STAT5A: variants seen among roughly 807,000 people sequenced by gnomAD.
The protein encoded by STAT5A is epididymis secretory sperm binding protein.
STAT5A carries 26 observed loss-of-function variants against 100.2 expected under a neutral mutation model. That is an observed-to-expected ratio of 0.26 (90% CI 0.19 to 0.36). The LOEUF (loss-of-function observed/expected upper bound fraction) is 0.36, where lower values mean the gene tolerates loss of function less well. STAT5A is among the 10% of genes least tolerant of loss of function. The pLI is 1.00. For synonymous variants in STAT5A, 330 were observed against 424.3 expected, an observed-to-expected ratio of 0.78 and a Z score of 2.73; for missense variants, 634 against 1,027.5, an observed-to-expected ratio of 0.62 and a Z score of 5.24.
chr17:42,292,237 G>C (rs1423560007), intron 4 of STAT5A, among the ~76,000 whole-genome samples, 176 bp downstream of exon 4: 1 of 152,206 alleles, frequency 6.6e-6, no homozygotes, highest in Non-Finnish European at 1.5e-5. Flanking sequence ...TGACCCCCTG[G>C]ATCCAGTCCC....
rs145676723 is a variant in STAT5A at position 42,302,040 on chromosome 17, C to T, written c.1169+586C>T. 4.2e-4 allele frequency among the ~76,000 whole-genome samples: 64 copies of T among 152,274 alleles called. No homozygotes were observed. The East Asian group carries it at 0.012, about 28-fold the overall frequency. ...TTAGCTGGGCATGGTGGTGCACGCACTTGTAGTCCCAGCTACTCGGGAAGC... is the reference window on the plus strand; with the variant it reads ...TTAGCTGGGCATGGTGGTGCACGCATTTGTAGTCCCAGCTACTCGGGAAGC... On this transcript the variant is annotated intron_variant, in intron 9 of 18. Coordinates refer to ENST00000590949, the MANE Select transcript of STAT5A (RefSeq NM_001288718.2).
chr17:42,301,181 A>G, intron 8 of STAT5A, 94 bp from the exon 9 acceptor site: 1 of 1,548,386 alleles, frequency 6.5e-7, no homozygotes, highest in Non-Finnish European at 8.8e-7. Context: ...CCTGAGCCCC[A>G]TGGGAGGCAG....
intron 3 of STAT5A, 156 bp downstream of exon 3, chr17:42,290,178 A>C: frequency 1.8e-6 from 2 of 1,119,958 alleles, no homozygotes; most frequent in South Asian, 1.9e-5. Flanking sequence ...CTCTTTCTAA[A>C]TTCGACCTGT....
rs892726520 is a variant in STAT5A at position 42,304,316 on chromosome 17, A to C, written c.1170-26A>C. 6.2e-7 allele frequency: 1 copy of C among 1,612,172 alleles called. No homozygotes were observed. Among genetic ancestry groups the C allele is most frequent in the Non-Finnish European group, 8.5e-7 (1 of 1,178,690 alleles). ...TGCTCCTGGCCTGGGGCCCATGTGGAGCTGGGACCCCCCTCTCCTTTGCAG... is the reference window on the plus strand; with the variant it reads ...TGCTCCTGGCCTGGGGCCCATGTGGCGCTGGGACCCCCCTCTCCTTTGCAG... On this transcript the variant is annotated intron_variant, in intron 9 of 18. Transcript: ENST00000590949. This position sits in a 1 kb window ranked among gnomAD's most constrained non-coding sequence, Gnocchi z 4.8.
rs1702672551 is a variant in STAT5A, at chr17:42,301,021, C to T, written c.989+151C>T. ...CAGTTGCTGTGGCTGCTAGGTGCCG[C>T]CCTTGCCCAGTTTCTCCTGTGGACA... On this transcript the variant is annotated intron_variant, in intron 8 of 18. Coordinates refer to ENST00000590949, the MANE Select transcript of STAT5A (RefSeq NM_001288718.2). 61 of 1,516,740 alleles carry T rather than the reference C, an allele frequency of 4.0e-5. No individual in the cohort carries two copies. The South Asian group carries it at 7.3e-4, about 18-fold the overall frequency. 94.0% of individuals were successfully genotyped at this position (1,516,740 alleles called of 1,614,324 possible).
At chr17:42,289,099 C>G (rs1033604074) in intron 1 of STAT5A, 3 of 280,394 alleles carry the variant, frequency 1.1e-5, no homozygotes, top group Non-Finnish European at 2.0e-5. Flanking sequence ...TCAAGTTTCT[C>G]TTTCAGTTTC....
intron 4 of STAT5A, among the ~76,000 whole-genome samples, chr17:42,293,647 T>G (rs2080892354): frequency 1.3e-5 from 2 of 152,162 alleles, no homozygotes; most frequent in Admixed American, 6.5e-5. Context: ...ATTCTGGCAG[T>G]GATGGATTCT....
Position 42,308,472 on chromosome 17 carries a change from G to A in STAT5A, c.2062+139G>A, listed in dbSNP as rs1031426137. The A allele has an allele frequency of 1.1e-5, 13 of 1,209,432 alleles. No individual in the cohort carries two copies. The highest frequency in any genetic ancestry group is 2.5e-4 in the Middle Eastern group (1 of 4,024). 74.9% of individuals were successfully genotyped at this position (1,209,432 alleles called of 1,614,324 possible). A position where few individuals can be genotyped will look rare whatever the true frequency, so the allele number is the denominator to read the frequency against. The stretch of plus-strand genomic sequence containing the variant: ...GTCCCCTGTGGGTTTTGGCCCATGG[G>A]GTGGTGGAGAGGATTTCAGGGCTCA... On this transcript the variant is annotated intron_variant, in intron 16 of 18. Transcript: ENST00000590949. The surrounding 1 kb of genome is among the most constrained non-coding windows in gnomAD (Gnocchi z 4.6).
At chr17:42,293,552 A>T (rs780191169) in intron 4 of STAT5A, among the ~76,000 whole-genome samples, 12 of 152,226 alleles carry the variant, frequency 7.9e-5, no homozygotes, top group Admixed American at 1.3e-4. Context: ...TTTACTCAGT[A>T]GACATTTATT....
intron 4 of STAT5A, among the ~76,000 whole-genome samples, chr17:42,293,433 G>A (rs986330419): frequency 2.6e-5 from 4 of 152,110 alleles, no homozygotes; most frequent in Non-Finnish European, 4.4e-5. Flanking sequence ...TCGAATTCCT[G>A]ACTTCAAGTG....
At position 42,306,971 on chromosome 17, in the gene STAT5A, C is replaced by T. The variant is rs577416826; in HGVS notation, c.1681-431C>T. Among the ~76,000 whole-genome samples the T allele has an allele frequency of 1.3e-4, 20 of 152,124 alleles. No individual in the cohort carries two copies. The South Asian group carries it at 3.5e-3, about 27-fold the overall frequency. On this transcript the variant is annotated intron_variant, in intron 13 of 18. Coordinates refer to ENST00000590949, the MANE Select transcript of STAT5A (RefSeq NM_001288718.2). Reference sequence around the variant, plus strand: ...CTGACCTCAGGTGATCCGCCCACCTCGGCCTCCCAAAGTGCTGGGATTACA... The same window carrying T: ...CTGACCTCAGGTGATCCGCCCACCTTGGCCTCCCAAAGTGCTGGGATTACA...
At chr17:42,307,535 G>C (rs376919887) in intron 14 of STAT5A, 39 bp downstream of exon 14, 35 of 1,613,980 alleles carry the variant, frequency 2.2e-5, no homozygotes, top group Non-Finnish European at 2.9e-5. Context: ...GCCAGCTGTG[G>C]GCGCAGAGAG....
At position 42,292,048 on chromosome 17, in the gene STAT5A, G is replaced by T; in HGVS notation, c.362G>T (p.Arg121Leu). 6.2e-7 allele frequency: 1 copy of T among 1,613,928 alleles called. No homozygotes were observed. Among genetic ancestry groups the T allele is most frequent in the Non-Finnish European group, 8.5e-7 (1 of 1,179,882 alleles). The change falls in exon 4 of 19, where the codon CGA becomes CTA. Residue 121 changes from arginine (R) to leucine (L), a missense_variant. Around this residue, in one of 5 missense-constraint regions of STAT5A, gnomAD observed 207 missense variants for 256.6 expected, o/e 0.81. Coordinates refer to ENST00000590949, the MANE Select transcript of STAT5A (RefSeq NM_001288718.2). ...HILYNEQRLV[R>L]EANNCSSPAG... Reference sequence around the variant, plus strand: ...CTGTACAATGAACAGAGGCTGGTCCGAGAAGCCAACAATGTGAGTGTCCCT... The same window carrying T: ...CTGTACAATGAACAGAGGCTGGTCCTAGAAGCCAACAATGTGAGTGTCCCT...
rs2080854938 is a variant in STAT5A, at chr17:42,289,999, G to C, written c.262G>C (p.Gly88Arg). 1 of 1,612,952 alleles carries C rather than the reference G, an allele frequency of 6.2e-7. No homozygotes were observed. The highest frequency in any genetic ancestry group is 8.5e-7 in the Non-Finnish European group (1 of 1,179,620). Residue 88 changes from glycine to arginine, a missense_variant, in exon 3 of 19, where the codon GGG becomes CGG. By Grantham distance (125) the Gly-to-Arg change is moderately radical. Transcript: ENST00000590949. ...TGGGTTTTTACTGAAGATCAAGCTG[G>C]GGCACTACGCCACGCAGCTCCAGGT... ...EDGFLLKIKL[G>R]HYATQLQKTY...
Position 42,306,318 on chromosome 17 carries a change from C to T in STAT5A, c.1551C>T (p.Ala517=), listed in dbSNP as rs369479819. The T allele has an allele frequency of 1.1e-5, 18 of 1,613,942 alleles. No individual in the cohort carries two copies. Among genetic ancestry groups the T allele is most frequent in the Admixed American group, 6.7e-5 (4 of 60,000 alleles). The change falls in exon 13 of 19, where the codon GCC becomes GCT. Residue 517 remains alanine, a synonymous_variant. Transcript: ENST00000590949. The part of the protein sequence containing the change: ...LCEALNMKFK[A]EVQSNRGLTK... The stretch of plus-strand genomic sequence containing the variant: ...AGGCGCTCAACATGAAATTCAAGGC[C>T]GAAGTGCAGAGCAACCGGGGCCTGA...
upstream of STAT5A, chr17:42,287,726 C>G (rs997642925): frequency 2.5e-4 from 38 of 152,296 alleles, no homozygotes; most frequent in African/African-American, 8.0e-4. Context: ...CACGTGCCTA[C>G]TGTGTGGCCC....
intron 4 of STAT5A, 98 bp downstream of exon 4, chr17:42,292,159 G>C: frequency 7.0e-7 from 1 of 1,430,556 alleles, no homozygotes; most frequent in Non-Finnish European, 9.7e-7. Context: ...GCAGCACGAG[G>C]AGAGCACCAA....
chr17:42,305,765 C>T (rs2081022600), intron 12 of STAT5A, 63 bp downstream of exon 12: 2 of 1,554,950 alleles, frequency 1.3e-6, no homozygotes, highest in South Asian at 1.1e-5. Flanking sequence ...TGGGGTCAGC[C>T]CCACCCCTTG....
chr17:42,300,315 G>A (rs755038100), intron 7 of STAT5A, 34 bp downstream of exon 7: 3 of 1,590,944 alleles, frequency 1.9e-6, no homozygotes, highest in East Asian at 4.5e-5. Context: ...GGCAGGGCAG[G>A]AGGGGCTGGT....
Sources: gnomAD v4.1 joint callset for allele counts (sites outside exome capture counted in the v4.1 genomes callset) on GRCh38, gnomAD v4.1.1 for gene constraint, gnomAD v4.1.1 regional missense constraint, Gnocchi (gnomAD v3.1) non-coding constraint, MANE v1.5 for transcripts, NCBI Gene and HGNC (gene_info 2026-07-23, HGNC 2026-07-21) for gene names.